PDLIM5: variants seen among roughly 807,000 people sequenced by gnomAD.
The protein encoded by PDLIM5 is PDZ and LIM domain 5.
PDLIM5 carries 34 observed loss-of-function variants against 64.2 expected under a neutral mutation model. That is an observed-to-expected ratio of 0.53 (90% CI 0.40 to 0.71). The LOEUF (loss-of-function observed/expected upper bound fraction) is 0.71. PDLIM5 is among the 30% of genes least tolerant of loss of function. The pLI is 0.00. For synonymous variants in PDLIM5, 253 were observed against 269.1 expected, an observed-to-expected ratio of 0.94 and a Z score of 0.59; for missense variants, 683 against 733.6, an observed-to-expected ratio of 0.93 and a Z score of 0.80.
chr4:94,546,761 G>A (rs1732358896), intron 3 of PDLIM5, among the ~76,000 whole-genome samples: 1 of 151,794 alleles, frequency 6.6e-6, no homozygotes, highest in South Asian at 2.1e-4. Context: ...ATTTTTTAAC[G>A]TTAGTGTTAT....
intron 2 of PDLIM5, among the ~76,000 whole-genome samples, chr4:94,505,520 C>T (rs1193625939): frequency 6.6e-6 from 1 of 152,112 alleles, no homozygotes; most frequent in African/African-American, 2.4e-5. Context: ...CCTCAGCCTC[C>T]CAAAGTGCTG....
At chr4:94,620,916 G>T (rs2664002) in intron 8 of PDLIM5, among the ~76,000 whole-genome samples, 1 of 150,794 alleles carries the variant, frequency 6.6e-6, no homozygotes, top group Non-Finnish European at 1.5e-5. Context: ...AAAAATAAAA[G>T]AAAAGTTAGC....
Position 94,597,893 on chromosome 4 carries a change from G to A in PDLIM5, c.920+11449G>A, listed in dbSNP as rs907852141. 2.6e-5 allele frequency among the ~76,000 whole-genome samples: 4 copies of A among 152,218 alleles called. No homozygotes were observed. The East Asian group carries it at 5.8e-4, about 22-fold the overall frequency. ...GCTAGTGAGCACTGAGAAGAGGAGGGCAGAATTGCCAAGACCCAGAATAAG... is the reference window on the plus strand; with the variant it reads ...GCTAGTGAGCACTGAGAAGAGGAGGACAGAATTGCCAAGACCCAGAATAAG... On this transcript the variant is annotated intron_variant, in intron 7 of 12. Coordinates refer to ENST00000317968, the MANE Select transcript of PDLIM5 (RefSeq NM_006457.5).
In PDLIM5 at chr4:94,664,542, A is replaced by G; in HGVS notation, c.*475A>G. 1 of 838,704 alleles carries G rather than the reference A, an allele frequency of 1.2e-6. No individual in the cohort carries two copies. Among genetic ancestry groups the G allele is most frequent in the Non-Finnish European group, 1.4e-6 (1 of 696,438 alleles). The allele number at this position is 838,704 out of a possible 1,614,324, so 52.0% of individuals were successfully genotyped here. ...AAATAGTAAATAGGATTTTAAACAG[A>G]GAATTTTATCAGTAATAGGTGTCAG... On this transcript the variant is annotated 3_prime_UTR_variant, in exon 13 of 13. Coordinates refer to ENST00000317968, the MANE Select transcript of PDLIM5 (RefSeq NM_006457.5).
intron 2 of PDLIM5, among the ~76,000 whole-genome samples, chr4:94,462,242 G>T (rs539230121): frequency 6.6e-6 from 1 of 152,254 alleles, no homozygotes; most frequent in East Asian, 1.9e-4. Context: ...GTCTCCTGGT[G>T]CCCTGCTGTT....
chr4:94,499,687 G>T (rs931352429), intron 2 of PDLIM5, among the ~76,000 whole-genome samples: 2 of 152,150 alleles, frequency 1.3e-5, no homozygotes, highest in African/African-American at 4.8e-5. Context: ...ACAGATCCAT[G>T]GCCTGTTAGG....
At chr4:94,491,827 T>C (rs1467604794) in intron 2 of PDLIM5, among the ~76,000 whole-genome samples, 1 of 152,166 alleles carries the variant, frequency 6.6e-6, no homozygotes, top group Non-Finnish European at 1.5e-5. Context: ...TGTTTTGATA[T>C]ATGTAAACAA....
intron 2 of PDLIM5, among the ~76,000 whole-genome samples, chr4:94,506,018 A>C (rs892613437): frequency 1.3e-5 from 2 of 152,168 alleles, no homozygotes; most frequent in African/African-American, 4.8e-5. Flanking sequence ...ACCAGCCTCC[A>C]TCCTGAAGCT....
chr4:94,474,326 G>A (rs911993194), intron 2 of PDLIM5, among the ~76,000 whole-genome samples: 3 of 151,966 alleles, frequency 2.0e-5, no homozygotes, highest in South Asian at 2.1e-4. Flanking sequence ...TCATGGCTCC[G>A]TGCTACCTCC....
chr4:94,606,253 C>T (rs1045823296), intron 7 of PDLIM5, among the ~76,000 whole-genome samples: 4 of 152,090 alleles, frequency 2.6e-5, no homozygotes, highest in South Asian at 2.1e-4. Flanking sequence ...TGGATTTAAA[C>T]AAATAACGAC....
rs1173825276 is a variant in PDLIM5, at chr4:94,535,552, T to G, written c.248+11677T>G. Among the ~76,000 whole-genome samples the G allele has an allele frequency of 2.0e-5, 3 of 152,114 alleles. No homozygotes were observed. The East Asian group carries it at 5.8e-4, about 29-fold the overall frequency. On this transcript the variant is annotated intron_variant, in intron 3 of 12. Transcript: ENST00000317968. ...CGCCTTCCTTGCCTGAACCTCCCAC[T>G]TTCACCTGTAGCCACCTGTTCATTA...
intron 3 of PDLIM5, among the ~76,000 whole-genome samples, chr4:94,570,632 A>G (rs1734725468): frequency 6.6e-6 from 1 of 152,236 alleles, no homozygotes; most frequent in South Asian, 2.1e-4. Flanking sequence ...TATGCAATAA[A>G]GTGTGAGGAA....
chr4:94,491,790 A>G (rs1323436687), intron 2 of PDLIM5, among the ~76,000 whole-genome samples: 2 of 152,110 alleles, frequency 1.3e-5, no homozygotes, highest in African/African-American at 4.8e-5. Context: ...ACATATCTTA[A>G]TTCTATACTT....
At chr4:94,650,605 C>T (rs142852132) in intron 9 of PDLIM5, among the ~76,000 whole-genome samples, 364 of 152,112 alleles carry the variant, frequency 2.4e-3, no homozygotes, top group Admixed American at 3.9e-3. Context: ...TTCATCTACA[C>T]GTATATGAAA....
chr4:94,480,872 G>T (rs962847189), intron 2 of PDLIM5, among the ~76,000 whole-genome samples: 1 of 152,138 alleles, frequency 6.6e-6, no homozygotes, highest in African/African-American at 2.4e-5. Flanking sequence ...CCCCAAAACT[G>T]ATCGTATTAG....
At chr4:94,557,520 G>C (rs1733457499) in intron 3 of PDLIM5, among the ~76,000 whole-genome samples, 1 of 152,094 alleles carries the variant, frequency 6.6e-6, no homozygotes, top group South Asian at 2.1e-4. Context: ...TCACGATATT[G>C]ATTCTTCCTA....
chr4:94,472,008 G>A (rs1560637541), intron 2 of PDLIM5, among the ~76,000 whole-genome samples: 1 of 151,762 alleles, frequency 6.6e-6, no homozygotes, highest in Non-Finnish European at 1.5e-5. Flanking sequence ...TAGTAATAGG[G>A]AGTTGAAACA....
intron 2 of PDLIM5, among the ~76,000 whole-genome samples, chr4:94,509,100 T>C (rs1728644780): frequency 6.6e-6 from 1 of 152,196 alleles, no homozygotes; most frequent in South Asian, 2.1e-4. Context: ...TTCCAGTCTT[T>C]GTGTTATTGA....
At chr4:94,648,910 A>T (rs1299587318) in intron 9 of PDLIM5, among the ~76,000 whole-genome samples, 1 of 152,110 alleles carries the variant, frequency 6.6e-6, no homozygotes, top group Non-Finnish European at 1.5e-5. Context: ...AGGCCCATCC[A>T]GGATGATCTG....
Sources: gnomAD v4.1 joint callset for allele counts (sites outside exome capture counted in the v4.1 genomes callset) on GRCh38, gnomAD v4.1.1 for gene constraint, MANE v1.5 for transcripts, NCBI Gene and HGNC (gene_info 2026-07-23, HGNC 2026-07-21) for gene names.